The following ASMTL variants were observed in gnomAD, a reference collection of about 807,000 sequenced individuals.
The protein encoded by ASMTL is acetylserotonin O-methyltransferase like.
A neutral mutation model predicts 60.3 loss-of-function variants in ASMTL; 57 were observed. The observed-to-expected ratio is 0.95, with a 90% confidence interval of 0.76 to 1.18. ASMTL has a LOEUF of 1.18. Among genes scored for constraint, ASMTL ranks in the 50% most tolerant of loss-of-function variants. The pLI, the probability that ASMTL is intolerant of heterozygous loss-of-function variation, is 0.00. For missense variants in ASMTL, 981 were observed against 852.6 expected (o/e 1.15, Z -1.88); for synonymous variants, 419 against 373.0 (o/e 1.12, Z -1.42).
At position 1,425,658 on chromosome X, in the gene ASMTL, CA is replaced by C. The variant is rs1348604120; in HGVS notation, c.926del (p.Val309GlyfsTer5). On this transcript the variant is annotated frameshift_variant, in exon 8 of 13. Transcript: ENST00000381317. LOFTEE classifies it high-confidence loss of function. ...KGLLTACKLKVFDLLKDEAPQ... is the reference protein window; with the variant it reads ...KGLLTACKLKXFDLLKDEAPQ... ...GTGCTTCATCTTTTAACAAATCGAA[CA>C]CCTTCAGTTTGCAAGCGGTGAGCAG... is the stretch of plus-strand genomic sequence containing the variant. 1.2e-6 allele frequency: 2 copies of C among 1,613,708 alleles called. No individual in the cohort carries two copies. Among genetic ancestry groups the C allele is most frequent in the Non-Finnish European group, 8.5e-7 (1 of 1,179,784 alleles).
chrX:1,445,317 C>A (rs1454715853), intron 1 of ASMTL, among the ~76,000 whole-genome samples: 1 of 152,118 alleles, frequency 6.6e-6, no homozygotes, highest in Non-Finnish European at 1.5e-5. Context: ...TTTTACCAGC[C>A]CACGTGGGTG....
chrX:1,413,710 A>G (rs1267539602), intron 11 of ASMTL: 1 of 152,322 alleles, frequency 6.6e-6, no homozygotes, highest in East Asian at 1.9e-4. Context: ...TCAAAATGAG[A>G]TCATCCTGGA....
chrX:1,416,296 C>G (rs2090255734), intron 11 of ASMTL, among the ~76,000 whole-genome samples: 1 of 149,890 alleles, frequency 6.7e-6, no homozygotes, highest in South Asian at 2.1e-4. Flanking sequence ...GGCACGCACA[C>G]AGACGCAGAC....
intron 9 of ASMTL, 39 bp downstream of exon 9, chrX:1,421,619 A>G: frequency 6.2e-7 from 1 of 1,610,972 alleles, no homozygotes; most frequent in Non-Finnish European, 8.5e-7. Context: ...AGCAAAATGC[A>G]CGCTAGACGG....
At chrX:1,405,708 GATGGATAT>G (rs372447980) in intron 12 of ASMTL, among the ~76,000 whole-genome samples, 84 of 152,020 alleles carry the variant, frequency 5.5e-4, no homozygotes, top group African/African-American at 2.0e-3. Context: ...TAGATGAATG[GATGGATAT>G]ATGGATGTAT....
Position 1,417,658 on chromosome X carries a change from CACAT to C in ASMTL, c.1522+311_1522+314del, listed in dbSNP as rs749109626. Among the ~76,000 whole-genome samples, 21 of 151,936 alleles carry C rather than the reference CACAT, an allele frequency of 1.4e-4. No individual in the cohort carries two copies. The South Asian group carries it at 3.7e-3, about 27-fold the overall frequency. Reference sequence around the variant, plus strand: ...ACACATATACCCACACAGACACACACACATACTCTCACAGAAACATATGCAACCA... The same window carrying C: ...ACACATATACCCACACAGACACACACACTCTCACAGAAACATATGCAACCA... On this transcript the variant is annotated intron_variant, in intron 11 of 12. Transcript: ENST00000381317.
chrX:1,418,476 ACTC>A (rs1449955319), intron 10 of ASMTL, among the ~76,000 whole-genome samples: 1 of 146,386 alleles, frequency 6.8e-6, no homozygotes, highest in East Asian at 2.0e-4. Context: ...TGGGGGCTGT[ACTC>A]CTCCCTTCTC....
Position 1,432,251 on chromosome X carries a change from A to T in ASMTL, c.509+18T>A. 1 of 1,174,050 alleles carries T rather than the reference A, an allele frequency of 8.5e-7. No individual in the cohort carries two copies. Among genetic ancestry groups the T allele is most frequent in the Non-Finnish European group, 1.2e-6 (1 of 806,206 alleles). The allele number at this position is 1,174,050 out of a possible 1,614,324, so 72.7% of individuals were successfully genotyped here. On this transcript the variant is annotated intron_variant, in intron 6 of 12. Coordinates refer to ENST00000381317, the MANE Select transcript of ASMTL (RefSeq NM_004192.4). ...TTCCACACGTGTCCCCCGTCCCCCCACCGCCCCCGAGACTCACATGGGCTC... is the reference window on the plus strand; with the variant it reads ...TTCCACACGTGTCCCCCGTCCCCCCTCCGCCCCCGAGACTCACATGGGCTC...
intron 2 of ASMTL, among the ~76,000 whole-genome samples, chrX:1,440,950 A>G (rs1309717357): frequency 6.6e-6 from 1 of 152,162 alleles, no homozygotes; most frequent in African/African-American, 2.4e-5. Context: ...TGATATTACT[A>G]TATTAATTGC....
At chrX:1,425,461 C>T in intron 8 of ASMTL, 64 bp downstream of exon 8, 1 of 1,570,732 alleles carries the variant, frequency 6.4e-7, no homozygotes, top group Non-Finnish European at 8.7e-7. Flanking sequence ...GGCTCCAGGT[C>T]ACCTTCCCTC....
At chrX:1,413,522 T>TG (rs1400872214) in intron 11 of ASMTL, among the ~76,000 whole-genome samples, 3 of 152,196 alleles carry the variant, frequency 2.0e-5, no homozygotes, top group African/African-American at 7.2e-5. Flanking sequence ...GGTTGCCTGT[T>TG]GCGGGGGGCG....
intron 12 of ASMTL, among the ~76,000 whole-genome samples, chrX:1,405,652 GAGAT>G (rs375588685): frequency 5.4e-4 from 82 of 151,428 alleles, no homozygotes; most frequent in African/African-American, 2.0e-3. Flanking sequence ...ATGCATGGAT[GAGAT>G]GGATGGATGG....
intron 5 of ASMTL, among the ~76,000 whole-genome samples, chrX:1,432,671 T>C (rs2090830541): frequency 6.7e-6 from 1 of 148,206 alleles, no homozygotes; most frequent in African/African-American, 2.5e-5. Flanking sequence ...CTACTAAAAA[T>C]ACAAAAAATT....
Position 1,425,386 on chromosome X carries a change from G to A in ASMTL, c.1060+139C>T, listed in dbSNP as rs755093269. ...TTCACCCTCTGCTTCTCAACCTTTC[G>A]GGAAAAGCAGCATTCCTGAGGGCAG... On this transcript the variant is annotated intron_variant, in intron 8 of 12. Coordinates refer to ENST00000381317, the MANE Select transcript of ASMTL (RefSeq NM_004192.4). The A allele has an allele frequency of 9.0e-5, 92 of 1,024,136 alleles. No homozygotes were observed. In the South Asian group the frequency reaches 1.0e-3, roughly 11 times the overall value. 63.4% of individuals were successfully genotyped at this position (1,024,136 alleles called of 1,614,324 possible).
At chrX:1,416,778 TACAC>T (rs574214669) in intron 11 of ASMTL, among the ~76,000 whole-genome samples, 101,605 of 147,882 alleles carry the variant, frequency 0.69, 34,776 homozygotes, top group South Asian at 0.84. Flanking sequence ...CACACAGACG[TACAC>T]ACAAGCACAG....
chrX:1,447,372 A>G (rs2091249589), intron 1 of ASMTL, among the ~76,000 whole-genome samples: 1 of 152,024 alleles, frequency 6.6e-6, no homozygotes, highest in South Asian at 2.1e-4. Flanking sequence ...TTGGACACAC[A>G]TGGCCATCTT....
chrX:1,427,886 T>A lies in ASMTL; in HGVS notation c.745A>T (p.Thr249Ser). ...TCGCGGCTGCCCGCGTCCCTCTGAGTGGGCTCCGAGCCGCCCCCCTCCACG... is the reference window on the plus strand; with the variant it reads ...TCGCGGCTGCCCGCGTCCCTCTGAGAGGGCTCCGAGCCGCCCCCCTCCACG... ...SDVEGGGSEPTQRDAGSRDEK... is the reference protein window; with the variant it reads ...SDVEGGGSEPSQRDAGSRDEK... Residue 249 changes from threonine (T) to serine (S), a missense_variant, in exon 7 of 13, where the codon ACT becomes TCT. Transcript: ENST00000381317. 6.2e-7 allele frequency: 1 copy of A among 1,613,194 alleles called. No individual in the cohort carries two copies. The highest frequency in any genetic ancestry group is 8.5e-7 in the Non-Finnish European group (1 of 1,179,820).
At chrX:1,435,580 T>C in intron 4 of ASMTL, 114 bp downstream of exon 4, 1 of 997,830 alleles carries the variant, frequency 1.0e-6, no homozygotes, top group Non-Finnish European at 1.6e-6. Flanking sequence ...ACAGCACAGC[T>C]CAGACGGCAG....
intron 3 of ASMTL, among the ~76,000 whole-genome samples, chrX:1,438,697 G>A (rs1603451604): frequency 6.6e-6 from 1 of 152,300 alleles, no homozygotes; most frequent in East Asian, 1.9e-4. Flanking sequence ...TAGAATTAAT[G>A]TAGCTTATCT....
Sources: gnomAD v4.1 joint callset for allele counts (sites outside exome capture counted in the v4.1 genomes callset) on GRCh38, gnomAD v4.1.1 for gene constraint, MANE v1.5 for transcripts, NCBI Gene and HGNC (gene_info 2026-07-23, HGNC 2026-07-21) for gene names.